DDX19B: variants seen among roughly 807,000 people sequenced by gnomAD.
The protein encoded by DDX19B is DEAD-box helicase 19B.
A neutral mutation model predicts 58.1 loss-of-function variants in DDX19B; 27 were observed. The ratio of observed to expected loss-of-function variants is 0.46; its 90% confidence interval spans 0.34 to 0.64. The LOEUF is 0.64. Among genes scored for constraint, DDX19B ranks in the 30% least tolerant of loss-of-function variants. The pLI, the probability that DDX19B is intolerant of heterozygous loss-of-function variation, is 0.01. For synonymous variants in DDX19B, 187 were observed against 214.4 expected (o/e 0.87, Z 1.12); for missense variants, 399 against 596.5 (o/e 0.67, Z 3.45).
intron 1 of DDX19B, among the ~76,000 whole-genome samples, chr16:70,310,972 A>G (rs967018955): frequency 1.3e-5 from 2 of 150,956 alleles, no homozygotes; most frequent in Non-Finnish European, 3.0e-5. Context: ...CGGAGCTTAC[A>G]GTGAGCTGAG....
chr16:70,315,328 C>T (rs1277749944), intron 3 of DDX19B, among the ~76,000 whole-genome samples: 2 of 146,864 alleles, frequency 1.4e-5, no homozygotes, highest in East Asian at 4.0e-4. Flanking sequence ...CAGAGCTTGC[C>T]ATGAGCCGAG....
upstream of DDX19B, chr16:70,290,009 G>A: frequency 3.2e-6 from 1 of 314,762 alleles, no homozygotes; most frequent in South Asian, 2.4e-5. Context: ...AGTAGTTCAG[G>A]TACGATTGGA....
intron 5 of DDX19B, among the ~76,000 whole-genome samples, chr16:70,322,737 C>A (rs753731158): frequency 6.6e-6 from 1 of 151,534 alleles, no homozygotes; most frequent in Admixed American, 6.6e-5. Flanking sequence ...ACTAAAAATA[C>A]AAAAATTAGC....
In DDX19B at chr16:70,333,114, A is replaced by T; in HGVS notation, c.1333A>T (p.Ser445Cys). The T allele has an allele frequency of 6.5e-7, 1 of 1,548,654 alleles. No homozygotes were observed. The highest frequency in any genetic ancestry group is 1.4e-5 in the African/African-American group (1 of 73,504). Reference protein sequence around the residue: ...KRGLAVNMVDSKHSMNILNRI... With the variant: ...KRGLAVNMVDCKHSMNILNRI... The stretch of plus-strand genomic sequence containing the variant: ...GGGCCTGGCAGTGAACATGGTGGAC[A>T]GCAAGCACAGCATGAACATCCTGAA... The change falls in exon 11 of 12, where the codon AGC (serine) becomes TGC (cysteine). Residue 445 changes from serine (S) to cysteine (C), a missense_variant. Transcript: ENST00000288071.
At chr16:70,306,504 G>C (rs554314146) in intron 1 of DDX19B, among the ~76,000 whole-genome samples, 2 of 152,150 alleles carry the variant, frequency 1.3e-5, no homozygotes, top group African/African-American at 2.4e-5. Context: ...GCCTAAGAGG[G>C]TTTGTTAGGA....
Position 70,316,074 on chromosome 16 carries a change from A to G in DDX19B, c.266A>G (p.Tyr89Cys), listed in dbSNP as rs1357220033. The change falls in exon 4 of 12, where the codon TAC becomes TGC. Residue 89 changes from tyrosine (Y) to cysteine (C), a missense_variant. Transcript: ENST00000288071. ...VLQRDPNSPL[Y>C]SVKSFEELRL... ...CAGCGGGATCCAAACTCCCCTCTGTACTCGGTGAAGTCTTTTGAAGAGCTT... is the reference window on the plus strand; with the variant it reads ...CAGCGGGATCCAAACTCCCCTCTGTGCTCGGTGAAGTCTTTTGAAGAGCTT... The G allele has an allele frequency of 6.2e-7, 1 of 1,614,078 alleles. No homozygotes were observed. Among genetic ancestry groups the G allele is most frequent in the Admixed American group, 1.7e-5 (1 of 59,980 alleles).
intron 1 of DDX19B, among the ~76,000 whole-genome samples, chr16:70,301,191 TTCCTTATTTTAGTGCAGCCATCTG>T (rs1961468684): frequency 6.6e-6 from 1 of 152,188 alleles, no homozygotes; most frequent in Non-Finnish European, 1.5e-5. Context: ...TCTTGATTTA[TTCCTTATTTTAGTGCAGCCATCTG>T]TCAGCTTTCT....
At chr16:70,304,832 T>C (rs1302096888) in intron 1 of DDX19B, among the ~76,000 whole-genome samples, 1 of 152,090 alleles carries the variant, frequency 6.6e-6, no homozygotes, top group Non-Finnish European at 1.5e-5. Context: ...TTTTCACTTC[T>C]ACTTTCTTAT....
At chr16:70,291,284 A>T (rs1019762660), upstream of DDX19B, among the ~76,000 whole-genome samples, 6 of 152,178 alleles carry the variant, frequency 3.9e-5, no homozygotes, top group African/African-American at 1.4e-4. Context: ...CAGGAGACAC[A>T]AGTGTTTATT....
intron 1 of DDX19B, among the ~76,000 whole-genome samples, chr16:70,311,751 G>A (rs1042456090): frequency 3.3e-5 from 5 of 152,204 alleles, no homozygotes; most frequent in African/African-American, 4.8e-5. Flanking sequence ...ACTTGAATGT[G>A]AGGCTGCACA....
chr16:70,334,083 C>A lies in DDX19B; in HGVS notation c.*501C>A. The A allele has an allele frequency of 5.7e-6, 1 of 175,052 alleles. No homozygotes were observed. Among genetic ancestry groups the A allele is most frequent in the South Asian group, 1.3e-4 (1 of 7,502 alleles). The allele number at this position is 175,052 out of a possible 1,614,324, so 10.8% of individuals were successfully genotyped here. A position where few individuals can be genotyped will look rare whatever the true frequency, so the allele number is the denominator to read the frequency against. On this transcript the variant is annotated 3_prime_UTR_variant, in exon 12 of 12. Coordinates refer to ENST00000288071, the MANE Select transcript of DDX19B (RefSeq NM_007242.7). Reference sequence around the variant, plus strand: ...TGAGGCAGCAGAGGAGGCCTGAGAGCTGCTGCTTTGGACTTGGGGGTGGGA... The same window carrying A: ...TGAGGCAGCAGAGGAGGCCTGAGAGATGCTGCTTTGGACTTGGGGGTGGGA...
rs1963567357 is a variant in DDX19B, at chr16:70,333,133, T to C, written c.1352T>C (p.Ile451Thr). Reference protein sequence around the residue: ...NMVDSKHSMNILNRIQEHFNK... With the variant: ...NMVDSKHSMNTLNRIQEHFNK... The stretch of plus-strand genomic sequence containing the variant: ...GTGGACAGCAAGCACAGCATGAACA[T>C]CCTGAACAGAATCCAGGAGCATTTT... Residue 451 changes from isoleucine to threonine, a missense_variant, in exon 11 of 12, where the codon ATC becomes ACC. This residue lies in a region of DDX19B where 198 missense variants were observed against 345.9 expected (regional missense o/e 0.57). Transcript: ENST00000288071. 2 of 1,513,932 alleles carry C rather than the reference T, an allele frequency of 1.3e-6. No homozygotes were observed. The highest frequency in any genetic ancestry group is 4.8e-5 in the East Asian group (2 of 41,676). The allele number at this position is 1,513,932 out of a possible 1,614,324, so 93.8% of individuals were successfully genotyped here. A position where few individuals can be genotyped will look rare whatever the true frequency, so the allele number is the denominator to read the frequency against.
At chr16:70,294,843 G>T (rs191764636), upstream of DDX19B, 216 of 1,513,102 alleles carry the variant, frequency 1.4e-4, no homozygotes, top group East Asian at 9.7e-4. Context: ...ATGCTCAGCC[G>T]CGATGGCTGG....
chr16:70,292,973 G>A (rs1961098616), upstream of DDX19B, among the ~76,000 whole-genome samples: 1 of 152,004 alleles, frequency 6.6e-6, no homozygotes. Context: ...GGGTGTGGTG[G>A]CGGCCACCTG....
intron 7 of DDX19B, 87 bp from the exon 8 acceptor site, chr16:70,329,205 A>G (rs527883455): frequency 3.0e-5 from 45 of 1,513,724 alleles, no homozygotes; most frequent in Admixed American, 4.2e-5. Context: ...CCTGGGCAAC[A>G]GAGTGAGACT....
intron 1 of DDX19B, among the ~76,000 whole-genome samples, chr16:70,305,611 G>A (rs1961709019): frequency 1.3e-5 from 2 of 152,058 alleles, no homozygotes; most frequent in African/African-American, 2.4e-5. Context: ...CTGTGCTTGT[G>A]TGTGCTGGCT....
chr16:70,316,024 T>C lies in DDX19B; in HGVS notation c.216T>C (p.Asp72=), dbSNP rs758652714. The part of the protein sequence containing the change: ...LNKLIRSNLV[D]NTNQVEVLQR... Reference sequence around the variant, plus strand: ...AGCTGATCAGAAGCAACCTTGTTGATAACACAAACCAAGTGGAAGTCCTGC... The same window carrying C: ...AGCTGATCAGAAGCAACCTTGTTGACAACACAAACCAAGTGGAAGTCCTGC... The change falls in exon 4 of 12, where the codon GAT becomes GAC. Residue 72 remains aspartate (D), a synonymous_variant. Transcript: ENST00000288071. 6 of 1,613,940 alleles carry C rather than the reference T, an allele frequency of 3.7e-6. No individual in the cohort carries two copies. The highest frequency in any genetic ancestry group is 1.3e-5 in the African/African-American group (1 of 74,892).
chr16:70,327,819 CTA>C (rs1310504739), intron 7 of DDX19B, among the ~76,000 whole-genome samples: 2 of 152,048 alleles, frequency 1.3e-5, no homozygotes, highest in Admixed American at 1.3e-4. Flanking sequence ...TTTTTCTACA[CTA>C]GTTTGTTTTA....
At chr16:70,309,809 C>T (rs1327664353) in intron 1 of DDX19B, among the ~76,000 whole-genome samples, 2 of 51,602 alleles carry the variant, frequency 3.9e-5, no homozygotes, top group Non-Finnish European at 6.8e-5. Flanking sequence ...CAGGGCAAGA[C>T]TCCGTCTCAA....
Sources: gnomAD v4.1 joint callset for allele counts (sites outside exome capture counted in the v4.1 genomes callset) on GRCh38, gnomAD v4.1.1 for gene constraint, gnomAD v4.1.1 regional missense constraint, MANE v1.5 for transcripts, NCBI Gene and HGNC (gene_info 2026-07-23, HGNC 2026-07-21) for gene names.